Variants in GPS1 observed in about 807,000 individuals in gnomAD.
The protein encoded by GPS1 is COP9 signalosome complex subunit 1.
GPS1 carries 11 observed loss-of-function variants against 60.0 expected under a neutral mutation model. The ratio of observed to expected loss-of-function variants is 0.18; its 90% CI spans 0.12 to 0.30. GPS1 has a LOEUF of 0.30. Among genes scored for constraint, GPS1 ranks in the 10% least tolerant of loss-of-function variants. The pLI is 1.00. For synonymous variants in GPS1, 343 were observed against 269.8 expected, an observed-to-expected ratio of 1.27 and a Z score of -2.66; for missense variants, 543 against 669.2, an observed-to-expected ratio of 0.81 and a Z score of 2.08.
At position 82,057,377 on chromosome 17, in the gene GPS1, G is replaced by C. The variant is rs1174465064; in HGVS notation, c.*250G>C. The C allele has an allele frequency of 2.9e-6, 2 of 680,000 alleles. No individual in the cohort carries two copies. Among genetic ancestry groups the C allele is most frequent in the African/African-American group, 3.5e-5 (2 of 56,848 alleles). 42.1% of individuals were successfully genotyped at this position (680,000 alleles called of 1,614,324 possible). On this transcript the variant is annotated 3_prime_UTR_variant, in exon 13 of 13. Transcript: ENST00000578552. ...CAGGGAGCAGACTGTGCGGCACCCAGGCCCAGTGGCACCATTTCCCAGACC... is the reference window on the plus strand; with the variant it reads ...CAGGGAGCAGACTGTGCGGCACCCACGCCCAGTGGCACCATTTCCCAGACC...
intron 11 of GPS1, 24 bp downstream of exon 11, chr17:82,056,790 G>T: frequency 6.2e-7 from 1 of 1,604,420 alleles, no homozygotes; most frequent in Non-Finnish European, 8.5e-7. Flanking sequence ...GCGGGGCGGT[G>T]GGGGCAGCTG....
At position 82,053,228 on chromosome 17, in the gene GPS1, G is replaced by A. The variant is rs1323883755; in HGVS notation, c.34-46G>A. 4.8e-6 allele frequency: 7 copies of A among 1,469,248 alleles called. No homozygotes were observed. The Admixed American group carries it at 1.4e-4, about 30-fold the overall frequency. 91.0% of individuals were successfully genotyped at this position (1,469,248 alleles called of 1,614,324 possible). On this transcript the variant is annotated intron_variant, in intron 1 of 12. Coordinates refer to ENST00000578552, the MANE Select transcript of GPS1 (RefSeq NM_001321092.3). ...ACAGTGCGGGTCTCTCGCCCTCCTG[G>A]GGCAGTCCCCAGGACGAGGTGCCAG...
chr17:82,056,758 C>A lies in GPS1; in HGVS notation c.1246C>A (p.His416Asn). ...GCTGATCAGTGCCCGTGTGGACTCACACAGCAAGGTGGCTGTGGGCTGCGG... is the reference window on the plus strand; with the variant it reads ...GCTGATCAGTGCCCGTGTGGACTCAAACAGCAAGGTGGCTGTGGGCTGCGG... ...EGLISARVDS[H>N]SKILYARDVD... is the part of the protein sequence containing the mutation. Residue 416 changes from histidine (H) to asparagine (N), a missense_variant, in exon 11 of 13, where the codon CAC becomes AAC. This residue lies in a region of GPS1 where 291 missense variants were observed against 353.7 expected (regional missense o/e 0.82). Transcript: ENST00000578552. 6.3e-7 allele frequency: 1 copy of A among 1,592,646 alleles called. No homozygotes were observed. Among genetic ancestry groups the A allele is most frequent in the Non-Finnish European group, 8.6e-7 (1 of 1,168,682 alleles).
intron 6 of GPS1, 144 bp from the exon 7 acceptor site, chr17:82,055,596 G>T (rs1475127761): frequency 1.6e-6 from 1 of 639,694 alleles, no homozygotes; most frequent in Non-Finnish European, 2.8e-6. Flanking sequence ...TGTCCCCAGC[G>T]CTGAGGAACA....
At chr17:82,055,675 G>A (rs1000457989) in intron 6 of GPS1, 65 bp from the exon 7 acceptor site, 58 of 1,163,378 alleles carry the variant, frequency 5.0e-5, no homozygotes, top group Non-Finnish European at 7.1e-5. Context: ...AGGCGTTAGC[G>A]GCTTCCCCAG....
Position 82,057,314 on chromosome 17 carries a change from A to G in GPS1, c.*187A>G, listed in dbSNP as rs1186955738. ...GCTAGTTGTGGCCCTTCCTGGAAGG[A>G]GAGGCCTGCAGGGCTCGACCCTGTG... is the stretch of plus-strand genomic sequence containing the variant. On this transcript the variant is annotated 3_prime_UTR_variant, in exon 13 of 13. Transcript: ENST00000578552. 6 of 791,660 alleles carry G rather than the reference A, an allele frequency of 7.6e-6. No individual in the cohort carries two copies. In the African/African-American group the frequency reaches 1.0e-4, roughly 14 times the overall value. The allele number at this position is 791,660 out of a possible 1,614,324, so 49.0% of individuals were successfully genotyped here.
In GPS1 at chr17:82,054,612, G is replaced by A. The variant is rs2032071221; in HGVS notation, c.411G>A (p.Lys137=). The A allele has an allele frequency of 6.2e-7, 1 of 1,608,396 alleles. No homozygotes were observed. The highest frequency in any genetic ancestry group is 1.7e-5 in the Admixed American group (1 of 59,784). ...CCACGCGGAAGAAGGCGCTGCTGAA[G>A]CTGGAGAAGCTGGACACAGACCTGA... is the stretch of plus-strand genomic sequence containing the variant. ...VEATRKKALL[K]LEKLDTDLKN... The change falls in exon 4 of 13, where the codon AAG becomes AAA. Residue 137 remains lysine, a synonymous_variant. Coordinates refer to ENST00000578552, the MANE Select transcript of GPS1 (RefSeq NM_001321092.3).
At chr17:82,053,207 T>G in intron 1 of GPS1, 67 bp from the exon 2 acceptor site, 1 of 1,281,736 alleles carries the variant, frequency 7.8e-7, no homozygotes, top group Non-Finnish European at 1.0e-6. Context: ...CAGAGAACAG[T>G]GCGGGTCTCT....
At chr17:82,056,174 GC>G in intron 8 of GPS1, 79 bp downstream of exon 8, 13 of 1,383,868 alleles carry the variant, frequency 9.4e-6, no homozygotes, top group Non-Finnish European at 1.1e-5. Flanking sequence ...GCATGTCCTG[GC>G]CCCCTGGCCC....
At position 82,056,619 on chromosome 17, in the gene GPS1, T is replaced by C. The variant is rs1238657978; in HGVS notation, c.1117-10T>C. Reference sequence around the variant, plus strand: ...GGGGGCTGTGGAGCTGACTTCCCTCTGCCCTGCAGTATTTCAGCCCCTACG... The same window carrying C: ...GGGGGCTGTGGAGCTGACTTCCCTCCGCCCTGCAGTATTTCAGCCCCTACG... On this transcript the variant is annotated splice_polypyrimidine_tract_variant and intron_variant, in intron 10 of 12. Transcript: ENST00000578552. 6 of 1,611,960 alleles carry C rather than the reference T, an allele frequency of 3.7e-6. No homozygotes were observed. The highest frequency in any genetic ancestry group is 4.2e-6 in the Non-Finnish European group (5 of 1,179,648).
Position 82,057,242 on chromosome 17 carries a change from G to T in GPS1, c.*115G>T. 1 of 1,350,772 alleles carries T rather than the reference G, an allele frequency of 7.4e-7. No individual in the cohort carries two copies. The highest frequency in any genetic ancestry group is 1.0e-6 in the Non-Finnish European group (1 of 957,094). The allele number at this position is 1,350,772 out of a possible 1,614,324, so 83.7% of individuals were successfully genotyped here. A position where few individuals can be genotyped will look rare whatever the true frequency, so the allele number is the denominator to read the frequency against. ...CAGCTAAGGGGCCTGGCCACTGGGT[G>T]CCACCCAGCCTGTGTGCCCTCCCTG... On this transcript the variant is annotated 3_prime_UTR_variant, in exon 13 of 13. Coordinates refer to ENST00000578552, the MANE Select transcript of GPS1 (RefSeq NM_001321092.3).
chr17:82,056,513 C>T lies in GPS1; in HGVS notation c.1079C>T (p.Thr360Ile), dbSNP rs781585815. 2 of 1,613,188 alleles carry T rather than the reference C, an allele frequency of 1.2e-6. No homozygotes were observed. The highest frequency in any genetic ancestry group is 1.7e-5 in the Admixed American group (1 of 60,020). The stretch of plus-strand genomic sequence containing the variant: ...ATGTATCTGGCCCCCCATGTCAGGA[C>T]CCTGTACACCCAGATTCGCAACCGT... ...LDMYLAPHVR[T>I]LYTQIRNRAL... The change falls in exon 10 of 13, where the codon ACC becomes ATC. Residue 360 changes from threonine (T) to isoleucine (I), a missense_variant. Around this residue, in one of 3 missense-constraint regions of GPS1, gnomAD observed 291 missense variants for 353.7 expected, o/e 0.82. Transcript: ENST00000578552.
At position 82,057,356 on chromosome 17, in the gene GPS1, G is replaced by A. The variant is rs1213038380; in HGVS notation, c.*229G>A. 2 of 707,140 alleles carry A rather than the reference G, an allele frequency of 2.8e-6. No individual in the cohort carries two copies. Among genetic ancestry groups the A allele is most frequent in the African/African-American group, 1.7e-5 (1 of 57,318 alleles). 43.8% of individuals were successfully genotyped at this position (707,140 alleles called of 1,614,324 possible). ...GACCCTGTGGGTTTCTGTCCCCAGG[G>A]AGCAGACTGTGCGGCACCCAGGCCC... On this transcript the variant is annotated 3_prime_UTR_variant, in exon 13 of 13. Coordinates refer to ENST00000578552, the MANE Select transcript of GPS1 (RefSeq NM_001321092.3).
chr17:82,055,912 G>A (rs1417065818), intron 7 of GPS1, 87 bp downstream of exon 7: 1 of 1,433,120 alleles, frequency 7.0e-7, no homozygotes, highest in South Asian at 1.2e-5. Flanking sequence ...TCTCACAAAT[G>A]GGGTCTTAGG....
At chr17:82,055,369 G>A in intron 6 of GPS1, 147 bp downstream of exon 6, 3 of 819,812 alleles carry the variant, frequency 3.7e-6, no homozygotes, top group Non-Finnish European at 4.1e-6. Flanking sequence ...ACAGGTGTAG[G>A]TGGTGCCTAA....
At chr17:82,055,557 G>A in intron 6 of GPS1, 183 bp from the exon 7 acceptor site, 2 of 611,306 alleles carry the variant, frequency 3.3e-6, no homozygotes, top group East Asian at 2.7e-5. Flanking sequence ...AGCATTGGTG[G>A]GGCTCTTTCC....
chr17:82,053,536 C>A, intron 2 of GPS1, 170 bp downstream of exon 2: 1 of 541,686 alleles, frequency 1.8e-6, no homozygotes, highest in Non-Finnish European at 3.1e-6. Flanking sequence ...TCACATGAGG[C>A]TTGTAGCTCA....
chr17:82,051,757 C>A, upstream of GPS1: 1 of 1,091,340 alleles, frequency 9.2e-7, no homozygotes, highest in African/African-American at 1.7e-5. This position sits in a 1 kb window ranked among gnomAD's most constrained non-coding sequence, Gnocchi z 4.1. Context: ...GCCCCACGCG[C>A]GCGGCTCATG....
intron 5 of GPS1, 70 bp downstream of exon 5, chr17:82,055,045 C>T (rs771234192): frequency 1.9e-5 from 31 of 1,595,072 alleles, no homozygotes; most frequent in Non-Finnish European, 2.5e-5. Flanking sequence ...CTGTCCTCCC[C>T]CACCTCATTC....
Sources: allele counts gnomAD v4.1 joint callset, GRCh38; gene constraint gnomAD v4.1.1; regional missense constraint gnomAD v4.1.1; non-coding constraint Gnocchi (gnomAD v3.1); transcripts MANE v1.5; gene names NCBI Gene and HGNC (gene_info 2026-07-23, HGNC 2026-07-21).